The following COL5A1 variants were observed in gnomAD, a reference collection of about 807,000 sequenced individuals.
COL5A1 encodes the protein collagen alpha-1(V) chain.
Under a neutral mutation model 263.7 loss-of-function variants are expected in COL5A1, and 16 were observed. That is an observed-to-expected ratio of 0.06 (90% confidence interval 0.04 to 0.09). The LOEUF (loss-of-function observed/expected upper bound fraction) is 0.09. COL5A1 is among the 10% of genes least tolerant of loss of function. The probability of loss-of-function intolerance (pLI) is 1.00; values close to 1 mark genes in which losing one functional copy is unlikely to be tolerated. For synonymous variants in COL5A1, 1,012 were observed against 1,004.5 expected, an observed-to-expected ratio of 1.01 and a Z score of -0.14; for missense variants, 2,036 against 2,540.5, an observed-to-expected ratio of 0.80 and a Z score of 4.27.
At chr9:134,671,121 G>T (rs1012442662) in intron 1 of COL5A1, among the ~76,000 whole-genome samples, 1 of 152,196 alleles carries the variant, frequency 6.6e-6, no homozygotes, top group African/African-American at 2.4e-5. Context: ...GTGAAAATGA[G>T]CTCCATGTGG....
intron 4 of COL5A1, among the ~76,000 whole-genome samples, chr9:134,723,727 G>A (rs1307055657): frequency 2.0e-5 from 3 of 152,234 alleles, no homozygotes; most frequent in Non-Finnish European, 4.4e-5. Flanking sequence ...GGGCAGAAGG[G>A]CTGTGGCCAG....
chr9:134,740,757 C>T (rs1022190383), intron 11 of COL5A1, among the ~76,000 whole-genome samples: 3 of 152,046 alleles, frequency 2.0e-5, no homozygotes, highest in Non-Finnish European at 2.9e-5. Flanking sequence ...GGTGGGTGGC[C>T]CTGCCAGTGC....
intron 1 of COL5A1, among the ~76,000 whole-genome samples, chr9:134,653,946 AGGTGTGTAGGGCTGAG>A (rs1430687619): frequency 3.0e-5 from 2 of 67,376 alleles, no homozygotes; most frequent in African/African-American, 6.7e-5. Flanking sequence ...GTAGGGCTGG[AGGTGTGTAGGGCTGAG>A]GGTGTGTAGG....
rs1830171049 is a variant in COL5A1 at position 134,843,841 on chromosome 9, T to A, written c.*1538T>A. 6.5e-6 allele frequency: 1 copy of A among 152,704 alleles called. No individual in the cohort carries two copies. Among genetic ancestry groups the A allele is most frequent in the African/African-American group, 2.4e-5 (1 of 41,476 alleles). 9.5% of individuals were successfully genotyped at this position (152,704 alleles called of 1,614,324 possible). On this transcript the variant is annotated 3_prime_UTR_variant, in exon 66 of 66. Transcript: ENST00000371817. ...CTGCCTGCAGCACGTCTTTTCCAAG[T>A]AGCCTATTTGGATTCCCATCTCAAA...
At chr9:134,804,247 G>A (rs541130764) in intron 39 of COL5A1, among the ~76,000 whole-genome samples, 11 of 152,280 alleles carry the variant, frequency 7.2e-5, no homozygotes, top group African/African-American at 2.4e-4. Context: ...TTGGAAAGGC[G>A]GCCACGGGCA....
rs554927437 is a variant in COL5A1 at position 134,837,034 on chromosome 9, CAG to C, written c.5370+1831_5370+1832del. 2.2e-4 allele frequency among the ~76,000 whole-genome samples: 33 copies of C among 152,370 alleles called. No homozygotes were observed. The South Asian group carries it at 3.9e-3, about 18-fold the overall frequency. ...TGAGTATAACATAGCACCTGCCTCA[CAG>C]GGCTTTCTGGGGAGCATGTCAAACC... On this transcript the variant is annotated intron_variant, in intron 65 of 65. Transcript: ENST00000371817.
At chr9:134,644,588 G>GT (rs1831415762) in intron 1 of COL5A1, among the ~76,000 whole-genome samples, 2 of 128,462 alleles carry the variant, frequency 1.6e-5, no homozygotes, top group African/African-American at 6.5e-5. Context: ...AGAGGCAGGC[G>GT]CGGGGGGGAG....
chr9:134,658,368 C>G (rs1050808212), intron 1 of COL5A1, among the ~76,000 whole-genome samples: 5 of 152,174 alleles, frequency 3.3e-5, no homozygotes, highest in Non-Finnish European at 7.4e-5. Flanking sequence ...CTCCCTCTTT[C>G]TTTCCTTTTC....
At chr9:134,685,455 T>C in intron 1 of COL5A1, among the ~76,000 whole-genome samples, 1 of 10,552 alleles carries the variant, frequency 9.5e-5, no homozygotes, top group African/African-American at 3.1e-4. Context: ...CCATCATCCA[T>C]CCATCCATCC....
rs1484320063 is a variant in COL5A1 at position 134,754,202 on chromosome 9, G to A, written c.1774-71G>A. 1 of 1,534,298 alleles carries A rather than the reference G, an allele frequency of 6.5e-7. No individual in the cohort carries two copies. The highest frequency in any genetic ancestry group is 1.4e-5 in the African/African-American group (1 of 73,426). On this transcript the variant is annotated intron_variant, in intron 15 of 65. Transcript: ENST00000371817. The surrounding 1 kb of genome is among the most constrained non-coding windows in gnomAD (Gnocchi z 4.3). ...GCATGGGCAGGGTCGATGAGCACAG[G>A]GACAAGGCTTTGCTCTTTCTCCTGA...
chr9:134,720,521 G>T (rs188496058), intron 4 of COL5A1, among the ~76,000 whole-genome samples: 1 of 152,218 alleles, frequency 6.6e-6, no homozygotes, highest in Admixed American at 6.5e-5. Context: ...GACAGTGTGC[G>T]CCAGATTATG....
intron 61 of COL5A1, 51 bp downstream of exon 61, chr9:134,823,520 C>A (rs759133611): frequency 6.3e-7 from 1 of 1,587,772 alleles, no homozygotes; most frequent in Admixed American, 1.7e-5. Context: ...TGGCTAGCTC[C>A]GAGGGAATTG....
At chr9:134,690,572 C>T (rs1356856651) in intron 1 of COL5A1, among the ~76,000 whole-genome samples, 2 of 152,150 alleles carry the variant, frequency 1.3e-5, no homozygotes, top group African/African-American at 2.4e-5. Flanking sequence ...TCAGGAGCCA[C>T]GAGAGCGCAG....
Position 134,730,419 on chromosome 9 carries a change from C to T in COL5A1, c.1108C>T (p.Pro370Ser). The stretch of plus-strand genomic sequence containing the variant: ...GGAGAACCCCGACCAGCCCACAGAC[C>T]CAGGCGCTGGGGCCGAAATTCCCAC... ...GEENPDQPTD[P>S]GAGAEIPTST... Residue 370 changes from proline to serine, a missense_variant, in exon 7 of 66, where the codon CCA becomes TCA. Physicochemically the swap from Pro to Ser is moderately conservative, Grantham distance 74. Transcript: ENST00000371817. 6.2e-7 allele frequency: 1 copy of T among 1,614,174 alleles called. No individual in the cohort carries two copies. Among genetic ancestry groups the T allele is most frequent in the Non-Finnish European group, 8.5e-7 (1 of 1,180,028 alleles).
intron 65 of COL5A1, among the ~76,000 whole-genome samples, chr9:134,839,634 G>A (rs1447989074): frequency 2.0e-5 from 3 of 152,222 alleles, no homozygotes; most frequent in Non-Finnish European, 4.4e-5. Flanking sequence ...AGTGAAGCCA[G>A]GCCCAACCAT....
intron 64 of COL5A1, among the ~76,000 whole-genome samples, chr9:134,830,662 C>T (rs1364139771): frequency 6.6e-6 from 1 of 152,246 alleles, no homozygotes; most frequent in Admixed American, 6.5e-5. Flanking sequence ...CACCGGGCTG[C>T]AGATTCCCAG....
At chr9:134,777,989 A>G (rs1197719119) in intron 27 of COL5A1, among the ~76,000 whole-genome samples, 2 of 152,102 alleles carry the variant, frequency 1.3e-5, no homozygotes, top group Non-Finnish European at 2.9e-5. Context: ...TTGCTCTTCT[A>G]TTTTGCAAGT....
chr9:134,733,608 C>T (rs1464749695), intron 9 of COL5A1, among the ~76,000 whole-genome samples: 2 of 152,354 alleles, frequency 1.3e-5, no homozygotes, highest in East Asian at 3.9e-4. Flanking sequence ...CAGGATCCCC[C>T]TGCTCAGCAT....
chr9:134,664,685 A>C (rs1250918765), intron 1 of COL5A1, among the ~76,000 whole-genome samples: 2 of 152,236 alleles, frequency 1.3e-5, no homozygotes, highest in African/African-American at 4.8e-5. Context: ...AGAGTCTGTG[A>C]CACTGGCTCC....
Sources: gnomAD v4.1 joint callset for allele counts (sites outside exome capture counted in the v4.1 genomes callset) on GRCh38, gnomAD v4.1.1 for gene constraint, Gnocchi (gnomAD v3.1) non-coding constraint, MANE v1.5 for transcripts, NCBI Gene and HGNC (gene_info 2026-07-23, HGNC 2026-07-21) for gene names.